The following ZSWIM5 variants were observed in gnomAD, a reference collection of about 807,000 sequenced individuals.
ZSWIM5 encodes zinc finger SWIM-type containing 5, also known as zinc finger SWIM domain-containing protein 5.
ZSWIM5 carries 55 observed loss-of-function variants against 119.6 expected under a neutral mutation model. The observed-to-expected ratio is 0.46, with a 90% confidence interval of 0.37 to 0.58. The LOEUF (loss-of-function observed/expected upper bound fraction) is 0.58, where lower values mean the gene tolerates loss of function less well. ZSWIM5 is among the 20% of genes least tolerant of loss of function. The pLI, the probability that ZSWIM5 is intolerant of heterozygous loss-of-function variation, is 0.00. For missense variants in ZSWIM5, 1,193 were observed against 1,512.8 expected, an observed-to-expected ratio of 0.79 and a Z score of 3.51; for synonymous variants, 537 against 606.9, an observed-to-expected ratio of 0.88 and a Z score of 1.69.
chr1:45,094,992 CT>C (rs1447048267), intron 1 of ZSWIM5, among the ~76,000 whole-genome samples: 3 of 152,196 alleles, frequency 2.0e-5, no homozygotes, highest in Non-Finnish European at 4.4e-5. Flanking sequence ...TTCCTACCTC[CT>C]CCATAGATTA....
At chr1:45,080,641 G>A (rs1570070603) in intron 2 of ZSWIM5, among the ~76,000 whole-genome samples, 1 of 152,180 alleles carries the variant, frequency 6.6e-6, no homozygotes, top group African/African-American at 2.4e-5. Context: ...TTTTTTGTGT[G>A]TAGATGGTTC....
At chr1:45,203,525 G>T (rs1016736586) in intron 1 of ZSWIM5, among the ~76,000 whole-genome samples, 1 of 152,024 alleles carries the variant, frequency 6.6e-6, no homozygotes, top group African/African-American at 2.4e-5. Flanking sequence ...GAAATATGTA[G>T]AATTCTTAAT....
chr1:45,183,347 G>A (rs1646034563), intron 1 of ZSWIM5, among the ~76,000 whole-genome samples: 1 of 151,752 alleles, frequency 6.6e-6, no homozygotes, highest in South Asian at 2.1e-4. Flanking sequence ...AACTAGAAAA[G>A]CAAGAGCAAA....
intron 1 of ZSWIM5, among the ~76,000 whole-genome samples, chr1:45,117,179 G>T (rs1645563519): frequency 6.6e-6 from 1 of 152,186 alleles, no homozygotes; most frequent in Non-Finnish European, 1.5e-5. Context: ...AAGGAGCAAG[G>T]TATAAAACAG....
intron 1 of ZSWIM5, among the ~76,000 whole-genome samples, chr1:45,092,538 ACCC>A (rs761534239): frequency 1.7e-5 from 1 of 57,402 alleles, no homozygotes; most frequent in African/African-American, 7.4e-5. Context: ...CTCGTGATCC[ACCC>A]CCCCCCCCCC....
intron 2 of ZSWIM5, among the ~76,000 whole-genome samples, chr1:45,075,702 A>G (rs2149006504): frequency 6.6e-6 from 1 of 152,080 alleles, no homozygotes; most frequent in African/African-American, 2.4e-5. Flanking sequence ...TAGTCTATTT[A>G]CATTCAGTGT....
intron 1 of ZSWIM5, among the ~76,000 whole-genome samples, chr1:45,149,672 C>G (rs989862385): frequency 3.9e-5 from 6 of 152,176 alleles, no homozygotes; most frequent in African/African-American, 1.4e-4. Flanking sequence ...ATAACAGGCT[C>G]ATTACCCATT....
intron 1 of ZSWIM5, among the ~76,000 whole-genome samples, chr1:45,109,874 C>CA (rs1645505377): frequency 6.6e-6 from 1 of 150,562 alleles, no homozygotes; most frequent in East Asian, 1.9e-4. Context: ...TATATTTTTC[C>CA]TTTTTTTTTA....
At chr1:45,046,408 T>G (rs1396064271) in intron 5 of ZSWIM5, among the ~76,000 whole-genome samples, 2 of 152,158 alleles carry the variant, frequency 1.3e-5, no homozygotes, top group East Asian at 3.8e-4. Flanking sequence ...TTGGATTTGC[T>G]CATGGATTAC....
chr1:45,083,465 G>A (rs1002170908), intron 2 of ZSWIM5, among the ~76,000 whole-genome samples: 2 of 152,106 alleles, frequency 1.3e-5, no homozygotes, highest in African/African-American at 4.8e-5. Flanking sequence ...TGTTCAGGCT[G>A]TTTTCATCTC....
intron 11 of ZSWIM5, among the ~76,000 whole-genome samples, chr1:45,025,961 AGAGGGAACATTCTT>A (rs1262952024): frequency 6.6e-6 from 1 of 152,218 alleles, no homozygotes; most frequent in African/African-American, 2.4e-5. Flanking sequence ...AAAAGTGGCA[AGAGGGAACATTCTT>A]GTCTTATTCC....
intron 3 of ZSWIM5, 82 bp downstream of exon 3, chr1:45,060,017 T>C: frequency 6.6e-7 from 1 of 1,515,922 alleles, no homozygotes; most frequent in Non-Finnish European, 9.0e-7. Flanking sequence ...GTATAATGCA[T>C]GAAGCCTGAA....
At chr1:45,098,291 T>C (rs1645416904) in intron 1 of ZSWIM5, among the ~76,000 whole-genome samples, 1 of 152,194 alleles carries the variant, frequency 6.6e-6, no homozygotes, top group Admixed American at 6.5e-5. Flanking sequence ...TTCTGATTCA[T>C]ATACAAAAGG....
At chr1:45,109,616 G>A (rs771592577) in intron 1 of ZSWIM5, among the ~76,000 whole-genome samples, 11 of 151,960 alleles carry the variant, frequency 7.2e-5, no homozygotes, top group Admixed American at 2.0e-4. Context: ...ATGGTGGCGC[G>A]CGCCTGTAGT....
intron 1 of ZSWIM5, among the ~76,000 whole-genome samples, chr1:45,183,575 C>T (rs1187389123): frequency 3.3e-5 from 5 of 152,082 alleles, no homozygotes; most frequent in Admixed American, 2.6e-4. Context: ...ATATCATCAC[C>T]GATCCCACAG....
intron 1 of ZSWIM5, among the ~76,000 whole-genome samples, chr1:45,133,787 A>T (rs1322926160): frequency 6.6e-6 from 1 of 151,856 alleles, no homozygotes; most frequent in Non-Finnish European, 1.5e-5. Context: ...TAGTTTTTGT[A>T]TAAGGTGTAA....
intron 1 of ZSWIM5, among the ~76,000 whole-genome samples, chr1:45,204,532 T>G (rs1160956488): frequency 1.3e-5 from 2 of 152,214 alleles, no homozygotes; most frequent in Non-Finnish European, 2.9e-5. Context: ...GCTGTTGTTT[T>G]GGTTAGAAAC....
At chr1:45,020,016 G>T in intron 13 of ZSWIM5, 50 bp downstream of exon 13, 1 of 1,490,358 alleles carries the variant, frequency 6.7e-7, no homozygotes, top group Non-Finnish European at 9.4e-7. Flanking sequence ...CCCAAGAGTA[G>T]GGCCTAGAAA....
chr1:45,115,147 T>C (rs1645543708), intron 1 of ZSWIM5, among the ~76,000 whole-genome samples: 1 of 152,208 alleles, frequency 6.6e-6, no homozygotes, highest in Admixed American at 6.5e-5. Context: ...CGGTTCCCAG[T>C]GAGCTGTTGG....
Sources: gnomAD v4.1 joint callset for allele counts (sites outside exome capture counted in the v4.1 genomes callset) on GRCh38, gnomAD v4.1.1 for gene constraint, MANE v1.5 for transcripts, NCBI Gene and HGNC (gene_info 2026-07-23, HGNC 2026-07-21) for gene names.